The following CPSF1 variants were observed in gnomAD, a reference collection of about 807,000 sequenced individuals.
CPSF1 encodes cleavage and polyadenylation specific factor 1, also known as cleavage and polyadenylation specificity factor subunit 1.
In CPSF1, 106 loss-of-function variants were observed where a neutral mutation model predicts 175.8. That is an observed-to-expected ratio of 0.60 (90% CI 0.52 to 0.71). The LOEUF (loss-of-function observed/expected upper bound fraction) is 0.71. Ranked by LOEUF, CPSF1 falls within the 30% of genes least tolerant of loss-of-function variation. The probability of loss-of-function intolerance (pLI) is 0.00; values close to 1 mark genes in which losing one functional copy is unlikely to be tolerated. For synonymous variants in CPSF1, 1,024 were observed against 858.3 expected, an observed-to-expected ratio of 1.19 and a Z score of -3.37; for missense variants, 1,734 against 2,022.9, an observed-to-expected ratio of 0.86 and a Z score of 2.74.
In CPSF1 at chr8:144,393,953, C is replaced by CG; in HGVS notation, c.3944dup (p.Cys1316ValfsTer6). 1 of 1,613,674 alleles carries CG rather than the reference C, an allele frequency of 6.2e-7. No homozygotes were observed. Among genetic ancestry groups the CG allele is most frequent in the Non-Finnish European group, 8.5e-7 (1 of 1,179,896 alleles). On this transcript the variant is annotated frameshift_variant, in exon 35 of 38. Transcript: ENST00000616140. LOFTEE classifies it high-confidence loss of function. ...TGAGCCCTTCAGTGGCCCCCCGGCA[C>CG]GGGGTCCTCCAGAACGTGTTCACGT...
intron 2 of CPSF1, among the ~76,000 whole-genome samples, chr8:144,404,528 A>ATT (rs573824201): frequency 1.4e-5 from 2 of 141,470 alleles, no homozygotes; most frequent in Non-Finnish European, 1.6e-5. Flanking sequence ...ACCACGCCTA[A>ATT]TTTTTTTTTT....
At chr8:144,398,223 ACC>A (rs1820906997) in intron 19 of CPSF1, 77 bp downstream of exon 19, 1 of 1,442,004 alleles carries the variant, frequency 6.9e-7, no homozygotes, top group Non-Finnish European at 9.3e-7. Flanking sequence ...GGGCCCAACC[ACC>A]TCCCCCCCAC....
chr8:144,396,434 G>C lies in CPSF1; in HGVS notation c.2893C>G (p.Pro965Ala), dbSNP rs1328660676. The C allele has an allele frequency of 6.3e-7, 1 of 1,596,484 alleles. No homozygotes were observed. Among genetic ancestry groups the C allele is most frequent in the African/African-American group, 1.3e-5 (1 of 74,726 alleles). The change falls in exon 26 of 38, where the codon CCC becomes GCC. Residue 965 changes from proline to alanine, a missense_variant. Physicochemically the swap from Pro to Ala is conservative, Grantham distance 27. Transcript: ENST00000616140. Reference protein sequence around the residue: ...VTGRGALRLHPMAIDGPVDSF... With the variant: ...VTGRGALRLHAMAIDGPVDSF... The stretch of plus-strand genomic sequence containing the variant: ...TCGACCGGGCCGTCGATGGCCATGG[G>C]GTGTAGCCGCAGAGCCCCTCGGCCG...
In CPSF1 at chr8:144,393,949, G is replaced by A. The variant is rs199796519; in HGVS notation, c.3949C>T (p.Arg1317Trp). Residue 1317 changes from arginine (R) to tryptophan (W), a missense_variant, in exon 35 of 38, where the codon CGG (arginine) becomes TGG (tryptophan). Transcript: ENST00000616140. ...TTGCTGAGCCCTTCAGTGGCCCCCCGGCACGGGGTCCTCCAGAACGTGTTC... is the reference window on the plus strand; with the variant it reads ...TTGCTGAGCCCTTCAGTGGCCCCCCAGCACGGGGTCCTCCAGAACGTGTTC... ...HVNTFWRTPC[R>W]GATEGLSKKS... 5.4e-5 allele frequency: 87 copies of A among 1,613,492 alleles called. No homozygotes were observed. The highest frequency in any genetic ancestry group is 1.6e-4 in the Middle Eastern group (1 of 6,082).
intron 2 of CPSF1, among the ~76,000 whole-genome samples, chr8:144,405,949 GC>G (rs1821478309): frequency 6.6e-6 from 1 of 152,126 alleles, no homozygotes; most frequent in Admixed American, 6.5e-5. Context: ...CCCTGTCAAG[GC>G]TTGCCCTGGT....
Position 144,397,077 on chromosome 8 carries a change from G to C in CPSF1, c.2592+130C>G, listed in dbSNP as rs537379334. ...AAGGGGCGGGGCTGTGAGGGAGATG[G>C]GGTGGAGCCACGGGAAGGGGCGGGG... is the stretch of plus-strand genomic sequence containing the variant. On this transcript the variant is annotated intron_variant, in intron 23 of 37. Coordinates refer to ENST00000616140, the MANE Select transcript of CPSF1 (RefSeq NM_013291.3). 1,763 of 992,642 alleles carry C rather than the reference G, an allele frequency of 1.8e-3. 18 individuals are homozygous for C. The African/African-American group carries it at 0.026, about 15-fold the overall frequency. The allele number at this position is 992,642 out of a possible 1,614,324, so 61.5% of individuals were successfully genotyped here. A position where few individuals can be genotyped will look rare whatever the true frequency, so the allele number is the denominator to read the frequency against.
chr8:144,395,555 G>A lies in CPSF1; in HGVS notation c.2980-4C>T, dbSNP rs782784537. The A allele has an allele frequency of 5.0e-6, 8 of 1,588,972 alleles. 1 individual carries two copies. Among genetic ancestry groups the A allele is most frequent in the South Asian group, 3.3e-5 (3 of 90,084 alleles). ...GGACACTGATCCTCAGCTCGCCCTG[G>A]GGTGGGGGCACAGGGGTCAGGGGAT... On this transcript the variant is annotated splice_polypyrimidine_tract_variant and splice_region_variant and intron_variant, in intron 26 of 37. Coordinates refer to ENST00000616140, the MANE Select transcript of CPSF1 (RefSeq NM_013291.3).
Position 144,398,770 on chromosome 8 carries a change from C to G in CPSF1, c.1638+9G>C. ...TCCCAGGGCCTCCCTGCAGCAGGCT[C>G]GCACCTACCTCCTCCTTACGCACCG... On this transcript the variant is annotated intron_variant, in intron 17 of 37. Transcript: ENST00000616140. 2 of 1,592,914 alleles carry G rather than the reference C, an allele frequency of 1.3e-6. No individual in the cohort carries two copies. The highest frequency in any genetic ancestry group is 1.7e-6 in the Non-Finnish European group (2 of 1,166,486).
chr8:144,400,128 T>TGCCCCCCCCCCC, intron 9 of CPSF1, 38 bp downstream of exon 9: 1 of 909,874 alleles, frequency 1.1e-6, no homozygotes, highest in Non-Finnish European at 1.5e-6. Context: ...GCCCAAGCCG[T>TGCCCCCCCCCCC]CCCCGGGCCC....
chr8:144,397,172 A>AGATGG, intron 23 of CPSF1, 35 bp downstream of exon 23: 1 of 1,507,630 alleles, frequency 6.6e-7, no homozygotes, highest in Non-Finnish European at 8.9e-7. Flanking sequence ...GCCAGGGGGA[A>AGATGG]GATGGGAAGG....
intron 2 of CPSF1, among the ~76,000 whole-genome samples, chr8:144,402,173 C>A (rs1226972421): frequency 2.0e-5 from 3 of 152,260 alleles, no homozygotes; most frequent in Admixed American, 1.3e-4. Flanking sequence ...TATCTCCTCC[C>A]TTTTCACTGC....
intron 2 of CPSF1, among the ~76,000 whole-genome samples, chr8:144,403,669 C>T (rs2116895569): frequency 6.6e-6 from 1 of 150,932 alleles, no homozygotes; most frequent in South Asian, 2.1e-4. Context: ...TCTCCTGCCT[C>T]AGCCTCCCAA....
chr8:144,394,935 C>T lies in CPSF1; in HGVS notation c.3361G>A (p.Val1121Met), dbSNP rs375387695. 1.2e-5 allele frequency: 20 copies of T among 1,612,758 alleles called. No homozygotes were observed. Among genetic ancestry groups the T allele is most frequent in the South Asian group, 9.9e-5 (9 of 91,080 alleles). The change falls in exon 30 of 38, where the codon GTG becomes ATG. Residue 1121 changes from valine to methionine, a missense_variant. By Grantham distance (21) the Val-to-Met change is conservative. Transcript: ENST00000616140. ...TGCATGAGGCAGGTCCCGGCGGCCA[C>T]GTAGCCTTTGAGGCCCGACACGGTC... is the stretch of plus-strand genomic sequence containing the variant. ...EETVSGLKGY[V>M]AAGTCLMQGE... is the part of the protein sequence containing the mutation.
In CPSF1 at chr8:144,393,382, G is replaced by T. The variant is rs1871532; in HGVS notation, c.4285-17C>A. ...GTCCAGGATCTGCAGGGGATGGAAG[G>T]GTGGGTGGGTGGGTGGGTGGGGATG... On this transcript the variant is annotated splice_polypyrimidine_tract_variant and intron_variant, in intron 37 of 37. Coordinates refer to ENST00000616140, the MANE Select transcript of CPSF1 (RefSeq NM_013291.3). 1 of 1,100,242 alleles carries T rather than the reference G, an allele frequency of 9.1e-7. No individual in the cohort carries two copies. Among genetic ancestry groups the T allele is most frequent in the Non-Finnish European group, 1.3e-6 (1 of 780,268 alleles). The allele number at this position is 1,100,242 out of a possible 1,614,324, so 68.2% of individuals were successfully genotyped here. A position where few individuals can be genotyped will look rare whatever the true frequency, so the allele number is the denominator to read the frequency against.
chr8:144,407,618 G>T (rs2116908967), intron 2 of CPSF1, among the ~76,000 whole-genome samples: 4 of 152,094 alleles, frequency 2.6e-5, no homozygotes, highest in African/African-American at 4.8e-5. Context: ...AGAATTGCCT[G>T]AACCCACGAG....
At chr8:144,400,107 C>T (rs2116870212) in intron 9 of CPSF1, 22 bp from the exon 10 acceptor site, 138 of 1,596,990 alleles carry the variant, frequency 8.6e-5, no homozygotes, top group African/African-American at 3.2e-4. Flanking sequence ...GTGGTCAGGC[C>T]GACTAGGCAG....
At position 144,400,633 on chromosome 8, in the gene CPSF1, G is replaced by A. The variant is rs2116876794; in HGVS notation, c.686+38C>T. Reference sequence around the variant, plus strand: ...CCCACCCCAGGCAGAGGCAGCTAGGGGGCCCACAGTGCAGAGGGGCCTCCT... The same window carrying A: ...CCCACCCCAGGCAGAGGCAGCTAGGAGGCCCACAGTGCAGAGGGGCCTCCT... On this transcript the variant is annotated intron_variant, in intron 7 of 37. Transcript: ENST00000616140. 1.5e-5 allele frequency: 24 copies of A among 1,595,786 alleles called. No homozygotes were observed. In the East Asian group the frequency reaches 3.4e-4, roughly 23 times the overall value.
rs373372847 is a variant in CPSF1, at chr8:144,394,952, G to A, written c.3344C>T (p.Ser1115Leu). ...TVSLRSEETV[S>L]GLKGYVAAGT... ...GGCGGCCACGTAGCCTTTGAGGCCC[G>A]ACACGGTCTCCTCACTGCGCAGAGA... The change falls in exon 30 of 38, where the codon TCG (serine) becomes TTG (leucine). Residue 1115 changes from serine (S) to leucine (L), a missense_variant. By Grantham distance (145) the Ser-to-Leu change is moderately radical. Coordinates refer to ENST00000616140, the MANE Select transcript of CPSF1 (RefSeq NM_013291.3). 8 of 1,613,012 alleles carry A rather than the reference G, an allele frequency of 5.0e-6. No homozygotes were observed. The highest frequency in any genetic ancestry group is 2.2e-5 in the East Asian group (1 of 44,888).
rs1423970586 is a variant in CPSF1, at chr8:144,395,188, G to C, written c.3188-6C>G. The C allele has an allele frequency of 4.3e-6, 7 of 1,612,722 alleles. No individual in the cohort carries two copies. Among genetic ancestry groups the C allele is most frequent in the African/African-American group, 1.3e-5 (1 of 74,928 alleles). On this transcript the variant is annotated splice_polypyrimidine_tract_variant and splice_region_variant and intron_variant, in intron 28 of 37. Transcript: ENST00000616140. ...GGGGTGGATGTACCGCTCATCTGTG[G>C]GGACCAAGGGTGACAGTCAGAGTAG...
Sources: gnomAD v4.1 joint callset for allele counts (sites outside exome capture counted in the v4.1 genomes callset) on GRCh38, gnomAD v4.1.1 for gene constraint, MANE v1.5 for transcripts, NCBI Gene and HGNC (gene_info 2026-07-23, HGNC 2026-07-21) for gene names.